TOP3A: variants seen among roughly 807,000 people sequenced by gnomAD.
TOP3A encodes DNA topoisomerase III alpha.
TOP3A carries 64 observed loss-of-function variants against 111.3 expected under a neutral mutation model. That is an observed-to-expected ratio of 0.57 (90% confidence interval 0.47 to 0.71). The LOEUF is 0.71. Among genes scored for constraint, TOP3A ranks in the 30% least tolerant of loss-of-function variants. The probability of loss-of-function intolerance (pLI) is 0.00; values close to 1 mark genes in which losing one functional copy is unlikely to be tolerated. For missense variants in TOP3A, 1,104 were observed against 1,285.0 expected (o/e 0.86, Z 2.15); for synonymous variants, 484 against 485.1 (o/e 1.00, Z 0.03).
At chr17:18,313,726 G>T (rs1982062720) in intron 1 of TOP3A, among the ~76,000 whole-genome samples, 1 of 152,088 alleles carries the variant, frequency 6.6e-6, no homozygotes, top group African/African-American at 2.4e-5. Flanking sequence ...TTCTAGCACT[G>T]GAAACAGGTA....
Position 18,302,624 on chromosome 17 carries a change from A to C in TOP3A, c.599T>G (p.Val200Gly). ...CTGCCTCACATCCACAGCATCGCTC[A>C]CCCTCTGATCAGGCTCGGTCAGGTT... is the stretch of plus-strand genomic sequence containing the variant. ...CENLTEPDQR[V>G]SDAVDVRQEL... is the part of the protein sequence containing the mutation. The change falls in exon 6 of 19, where the codon GTG becomes GGG. Residue 200 changes from valine (V) to glycine (G), a missense_variant. By Grantham distance (109) the Val-to-Gly change is moderately radical. Transcript: ENST00000321105. 1 of 1,614,090 alleles carries C rather than the reference A, an allele frequency of 6.2e-7. No homozygotes were observed. The highest frequency in any genetic ancestry group is 1.7e-5 in the Admixed American group (1 of 59,996).
rs1979082737 is a variant in TOP3A at position 18,272,837 on chromosome 17, T to TA, written c.*1964dup. 6.6e-6 allele frequency: 1 copy of TA among 152,182 alleles called. No individual in the cohort carries two copies. The highest frequency in any genetic ancestry group is 6.6e-5 in the Admixed American group (1 of 15,262). 9.4% of individuals were successfully genotyped at this position (152,182 alleles called of 1,614,324 possible). A position where few individuals can be genotyped will look rare whatever the true frequency, so the allele number is the denominator to read the frequency against. ...CGCCCGGCTAATTTTTGTATTTTTT[T>TA]AGAGACGGGGTTTCATCATATTGGT... is the stretch of plus-strand genomic sequence containing the variant. On this transcript the variant is annotated 3_prime_UTR_variant, in exon 19 of 19. Transcript: ENST00000321105.
chr17:18,290,782 G>A, intron 12 of TOP3A, 60 bp downstream of exon 12: 1 of 1,595,396 alleles, frequency 6.3e-7, no homozygotes, highest in Non-Finnish European at 8.6e-7. Flanking sequence ...TGCTCCACTA[G>A]AGAACTCAGG....
At position 18,271,635 on chromosome 17, in the gene TOP3A, A is replaced by G. The variant is rs1978999477; in HGVS notation, c.*3167T>C. ...AGATGCCTGGCCCAGTCCATGGTGC[A>G]GCCCAATCCTGCAGTTTGCTTTTGA... On this transcript the variant is annotated 3_prime_UTR_variant, in exon 19 of 19. Coordinates refer to ENST00000321105, the MANE Select transcript of TOP3A (RefSeq NM_004618.5). 6.3e-6 allele frequency: 2 copies of G among 317,032 alleles called. No homozygotes were observed. Among genetic ancestry groups the G allele is most frequent in the Non-Finnish European group, 1.2e-5 (2 of 161,834 alleles). 19.6% of individuals were successfully genotyped at this position (317,032 alleles called of 1,614,324 possible).
At chr17:18,280,733 C>G (rs1047312282) in intron 16 of TOP3A, 75 bp from the exon 17 acceptor site, 12 of 1,555,662 alleles carry the variant, frequency 7.7e-6, no homozygotes, top group Admixed American at 5.2e-5. Context: ...GCTAAGGCAG[C>G]CTTTCCTCAG....
rs572378422 is a variant in TOP3A, at chr17:18,280,796, G to T, written c.2022-138C>A. ...GGATGACACTTAACTGGATACACAA[G>T]CACTCATATTGAATTGATTGGGAAA... On this transcript the variant is annotated intron_variant, in intron 16 of 18. Transcript: ENST00000321105. 3.1e-6 allele frequency: 3 copies of T among 955,024 alleles called. No homozygotes were observed. The African/African-American group carries it at 4.9e-5, about 16-fold the overall frequency. The allele number at this position is 955,024 out of a possible 1,614,324, so 59.2% of individuals were successfully genotyped here.
intron 2 of TOP3A, 186 bp from the exon 3 acceptor site, chr17:18,308,610 A>G: frequency 3.8e-6 from 2 of 530,250 alleles, no homozygotes; most frequent in East Asian, 6.1e-5. Context: ...TTCTAATGAT[A>G]TGGTGTATAA....
At chr17:18,305,259 T>A in intron 4 of TOP3A, 39 bp from the exon 5 acceptor site, 3 of 1,521,182 alleles carry the variant, frequency 2.0e-6, no homozygotes, top group Non-Finnish European at 2.7e-6. Flanking sequence ...GAGAACAGAA[T>A]TGCACAACAG....
chr17:18,290,794 C>T (rs1438733934), intron 12 of TOP3A, 48 bp downstream of exon 12: 3 of 1,600,644 alleles, frequency 1.9e-6, no homozygotes, highest in African/African-American at 2.7e-5. Context: ...GAACTCAGGG[C>T]TCACAACACA....
intron 1 of TOP3A, 108 bp downstream of exon 1, chr17:18,314,491 G>T: frequency 7.6e-7 from 1 of 1,317,452 alleles, no homozygotes; most frequent in Non-Finnish European, 1.0e-6. Flanking sequence ...AGTGAGGCCT[G>T]AGAAATGGGA....
At chr17:18,295,925 G>A (rs749498454) in intron 9 of TOP3A, among the ~76,000 whole-genome samples, 23 of 151,682 alleles carry the variant, frequency 1.5e-4, no homozygotes, top group Non-Finnish European at 2.5e-4. Flanking sequence ...CTGCCACCAC[G>A]CCTGGCTGAT....
chr17:18,308,338 G>A lies in TOP3A; in HGVS notation c.314+13C>T. The stretch of plus-strand genomic sequence containing the variant: ...TATAATCTGAAAGTCCTTCCCTTGA[G>A]AATTGTACTGACCATTTTCGAAACT... On this transcript the variant is annotated intron_variant, in intron 3 of 18. Transcript: ENST00000321105. The A allele has an allele frequency of 1.3e-6, 2 of 1,559,890 alleles. No homozygotes were observed. The highest frequency in any genetic ancestry group is 1.7e-6 in the Non-Finnish European group (2 of 1,143,306).
At chr17:18,295,977 C>T (rs1473323738) in intron 9 of TOP3A, among the ~76,000 whole-genome samples, 1 of 150,022 alleles carries the variant, frequency 6.7e-6, no homozygotes, top group Non-Finnish European at 1.5e-5. Flanking sequence ...CCATGTTAGC[C>T]AGGATGGTCT....
intron 16 of TOP3A, 38 bp from the exon 17 acceptor site, chr17:18,280,696 G>A (rs774399487): frequency 6.2e-7 from 1 of 1,608,716 alleles, no homozygotes; most frequent in African/African-American, 1.3e-5. Context: ...TAGGAGTGCA[G>A]GAGATGCTCT....
In TOP3A at chr17:18,314,610, G is replaced by A. The variant is rs765072503; in HGVS notation, c.169C>T (p.Arg57Cys). 6.2e-7 allele frequency: 1 copy of A among 1,610,216 alleles called. No individual in the cohort carries two copies. Among genetic ancestry groups the A allele is most frequent in the Admixed American group, 1.7e-5 (1 of 59,646 alleles). Reference sequence around the variant, plus strand: ...ACGCGCTTTCTTACCCGCCTCATGCGACCGTTTGACAGCAGGTCGGCGATC... The same window carrying A: ...ACGCGCTTTCTTACCCGCCTCATGCAACCGTTTGACAGCAGGTCGGCGATC... The part of the protein sequence containing the change: ...KGIADLLSNG[R>C]MRRREGLSKF... The change falls in exon 1 of 19, where the codon CGC (arginine) becomes TGC (cysteine). Residue 57 changes from arginine to cysteine, a missense_variant. Arg to Cys is a radical substitution (Grantham distance 180, BLOSUM62 -3). Transcript: ENST00000321105.
At chr17:18,299,071 T>A (rs1981055152) in intron 9 of TOP3A, among the ~76,000 whole-genome samples, 1 of 147,832 alleles carries the variant, frequency 6.8e-6, no homozygotes, top group African/African-American at 2.5e-5. Flanking sequence ...AAAAATAAAA[T>A]TAAAATTAAA....
rs1567749012 is a variant in TOP3A at position 18,302,693 on chromosome 17, C to T, written c.530G>A (p.Arg177Gln). 4 of 1,614,050 alleles carry T rather than the reference C, an allele frequency of 2.5e-6. No homozygotes were observed. The highest frequency in any genetic ancestry group is 1.6e-4 in the Middle Eastern group (1 of 6,062). The change falls in exon 6 of 19, where the codon CGA (arginine) becomes CAA (glutamine). Residue 177 changes from arginine to glutamine, a missense_variant. Coordinates refer to ENST00000321105, the MANE Select transcript of TOP3A (RefSeq NM_004618.5). ...GGCATGGGGTGTGATCTCAGAGAATCGGGCTCGCAACACCTGCAGATTGGG... is the reference window on the plus strand; with the variant it reads ...GGCATGGGGTGTGATCTCAGAGAATTGGGCTCGCAACACCTGCAGATTGGG... Reference protein sequence around the residue: ...VKPNLQVLRARFSEITPHAVR... With the variant: ...VKPNLQVLRAQFSEITPHAVR...
chr17:18,292,707 C>T lies in TOP3A; in HGVS notation c.1219G>A (p.Gly407Arg). The change falls in exon 11 of 19, where the codon GGG becomes AGG. Residue 407 changes from glycine to arginine, a missense_variant. Transcript: ENST00000321105. ...LERGGPTPRN[G>R]NKSDQAHPPI... ...GGGTGAGCTTGGTCAGACTTGTTCC[C>T]ATTGCGTGGGGTGGGACCACCCCGC... 6.2e-7 allele frequency: 1 copy of T among 1,606,516 alleles called. No individual in the cohort carries two copies. Among genetic ancestry groups the T allele is most frequent in the Non-Finnish European group, 8.5e-7 (1 of 1,174,814 alleles).
intron 11 of TOP3A, among the ~76,000 whole-genome samples, chr17:18,291,804 T>A (rs1980491841): frequency 6.6e-6 from 1 of 151,974 alleles, no homozygotes; most frequent in Non-Finnish European, 1.5e-5. Flanking sequence ...AACCTCCGCC[T>A]CCTGGGTTCA....
Sources: gnomAD v4.1 joint callset for allele counts (sites outside exome capture counted in the v4.1 genomes callset) on GRCh38, gnomAD v4.1.1 for gene constraint, MANE v1.5 for transcripts, NCBI Gene and HGNC (gene_info 2026-07-23, HGNC 2026-07-21) for gene names.